ZNF385D: variants seen among roughly 807,000 people sequenced by gnomAD.
ZNF385D encodes the protein zinc finger protein 659.
In ZNF385D, 15 loss-of-function variants were observed where a neutral mutation model predicts 35.8. The observed-to-expected ratio is 0.42, with a 90% CI of 0.28 to 0.64. The LOEUF is 0.64. ZNF385D is among the 30% of genes least tolerant of loss of function. ZNF385D has a pLI of 0.23. For missense variants in ZNF385D, 474 were observed against 494.6 expected (o/e 0.96, Z 0.39); for synonymous variants, 212 against 186.8 (o/e 1.13, Z -1.10).
intron 2 of ZNF385D, among the ~76,000 whole-genome samples, chr3:22,347,301 T>C (rs1298010613): frequency 6.6e-6 from 1 of 152,198 alleles, no homozygotes; most frequent in African/African-American, 2.4e-5. Context: ...ATTTTGTTGG[T>C]AGCATTAGAA....
chr3:21,916,062 C>A (rs913072791), intron 3 of ZNF385D, among the ~76,000 whole-genome samples: 1 of 151,856 alleles, frequency 6.6e-6, no homozygotes, highest in African/African-American at 2.4e-5. Flanking sequence ...TCTTGTACTC[C>A]AAAATGAAAA....
chr3:21,748,386 G>A (rs1047527588), intron 1 of ZNF385D, among the ~76,000 whole-genome samples: 1 of 145,082 alleles, frequency 6.9e-6, no homozygotes, highest in African/African-American at 2.5e-5. Context: ...GGCTGAGCCA[G>A]GCTATTCAGG....
chr3:21,860,577 G>A (rs558041102), intron 3 of ZNF385D, among the ~76,000 whole-genome samples: 2 of 152,278 alleles, frequency 1.3e-5, no homozygotes, highest in East Asian at 1.9e-4. Context: ...CTGCCAACAT[G>A]AAAGTGCTCC....
chr3:21,510,551 G>A (rs962431281), intron 4 of ZNF385D, among the ~76,000 whole-genome samples: 2 of 152,126 alleles, frequency 1.3e-5, no homozygotes, highest in Non-Finnish European at 2.9e-5. Flanking sequence ...AGATGCAAAT[G>A]CTGCACACTG....
intron 2 of ZNF385D, among the ~76,000 whole-genome samples, chr3:22,284,478 CTG>C (rs1430802804): frequency 6.6e-6 from 1 of 152,046 alleles, no homozygotes; most frequent in East Asian, 1.9e-4. Flanking sequence ...GCATGAGCCA[CTG>C]CACCTGTCCC....
intron 2 of ZNF385D, among the ~76,000 whole-genome samples, chr3:22,231,746 C>G (rs1028501522): frequency 6.6e-6 from 1 of 152,038 alleles, no homozygotes; most frequent in Non-Finnish European, 1.5e-5. Context: ...GCTCTGTGTC[C>G]CCACACAGAT....
intron 2 of ZNF385D, among the ~76,000 whole-genome samples, chr3:22,284,508 T>A (rs1383966607): frequency 2.6e-5 from 4 of 152,030 alleles, no homozygotes; most frequent in Non-Finnish European, 4.4e-5. Context: ...GGATTTTTTT[T>A]AATGACCCAA....
chr3:22,037,229 G>T (rs74441132), intron 3 of ZNF385D, among the ~76,000 whole-genome samples: 84,919 of 132,576 alleles, frequency 0.64, 27,983 homozygotes, highest in Middle Eastern at 0.79. Context: ...ATATACCCAG[G>T]AATGGGATGG....
chr3:21,650,273 A>G (rs2065871645), intron 2 of ZNF385D, among the ~76,000 whole-genome samples: 1 of 152,168 alleles, frequency 6.6e-6, no homozygotes, highest in Non-Finnish European at 1.5e-5. Flanking sequence ...TTAAATCTCC[A>G]AAATAATTTC....
intron 3 of ZNF385D, among the ~76,000 whole-genome samples, chr3:22,163,181 C>T (rs538543648): frequency 1.6e-4 from 25 of 152,126 alleles, no homozygotes; most frequent in African/African-American, 5.8e-4. Context: ...GAAGGCAATG[C>T]TTGTGGAGGA....
At chr3:22,068,351 C>T (rs1488397044) in intron 3 of ZNF385D, among the ~76,000 whole-genome samples, 5 of 152,088 alleles carry the variant, frequency 3.3e-5, no homozygotes, top group Middle Eastern at 3.4e-3. Flanking sequence ...TACACTTTAC[C>T]GCCTGTCCCT....
At chr3:22,286,126 A>G (rs1702009704) in intron 2 of ZNF385D, among the ~76,000 whole-genome samples, 1 of 152,158 alleles carries the variant, frequency 6.6e-6, no homozygotes, top group Admixed American at 6.6e-5. Context: ...ATTTTTAATA[A>G]TATGTACGGT....
At chr3:21,905,867 T>C (rs1183038523) in intron 3 of ZNF385D, among the ~76,000 whole-genome samples, 8 of 152,134 alleles carry the variant, frequency 5.3e-5, no homozygotes, top group Admixed American at 3.9e-4. Context: ...AATCGTATTT[T>C]AACAAGATCA....
At chr3:21,664,776 T>A in intron 2 of ZNF385D, 110 bp downstream of exon 2, 1 of 1,430,154 alleles carries the variant, frequency 7.0e-7, no homozygotes. Flanking sequence ...AGACAAACCA[T>A]GCAATGAACA....
chr3:21,817,435 C>A (rs1054876844), intron 3 of ZNF385D, among the ~76,000 whole-genome samples: 1 of 152,080 alleles, frequency 6.6e-6, no homozygotes, highest in Non-Finnish European at 1.5e-5. Flanking sequence ...ATCTACCCAT[C>A]TGACAAAGGG....
intron 3 of ZNF385D, among the ~76,000 whole-genome samples, chr3:22,048,836 A>C (rs529329382): frequency 6.6e-6 from 1 of 152,338 alleles, no homozygotes; most frequent in African/African-American, 2.4e-5. Context: ...CACTTTGGAT[A>C]GTACGGACAA....
At chr3:22,164,725 C>G (rs574195626) in intron 3 of ZNF385D, among the ~76,000 whole-genome samples, 60 of 151,828 alleles carry the variant, frequency 4.0e-4, no homozygotes, top group Admixed American at 7.2e-4. Context: ...CACCCTTTCA[C>G]CTGATAATCA....
intron 3 of ZNF385D, among the ~76,000 whole-genome samples, chr3:21,954,326 A>C (rs2336518): frequency 0.072 from 10,952 of 151,948 alleles, 1,302 homozygotes; most frequent in African/African-American, 0.25. Flanking sequence ...AACTTGCCCC[A>C]ATATGTCTTT....
At chr3:21,874,474 C>T (rs754339847) in intron 3 of ZNF385D, among the ~76,000 whole-genome samples, 1 of 152,000 alleles carries the variant, frequency 6.6e-6, no homozygotes, top group Non-Finnish European at 1.5e-5. Context: ...CTGTTGATTG[C>T]TTTACTTGGT....
Sources: allele counts gnomAD v4.1 joint callset (sites outside exome capture counted in the v4.1 genomes callset), GRCh38; gene constraint gnomAD v4.1.1; transcripts MANE v1.5; gene names NCBI Gene and HGNC (gene_info 2026-07-23, HGNC 2026-07-21).